Variants in ZBTB16 observed in about 807,000 individuals in gnomAD.
The protein encoded by ZBTB16 is zinc finger and BTB domain-containing protein 16.
A neutral mutation model predicts 56.8 loss-of-function variants in ZBTB16; 8 were observed. That is an observed-to-expected ratio of 0.14 (90% CI 0.08 to 0.25). The LOEUF is 0.25. Among genes scored for constraint, ZBTB16 ranks in the 10% least tolerant of loss-of-function variants. ZBTB16 has a pLI of 1.00. For synonymous variants in ZBTB16, 363 were observed against 368.5 expected (o/e 0.98, Z 0.17); for missense variants, 625 against 903.0 (o/e 0.69, Z 3.95).
At chr11:114,195,387 TG>T (rs1250874185) in intron 4 of ZBTB16, among the ~76,000 whole-genome samples, 1 of 152,050 alleles carries the variant, frequency 6.6e-6, no homozygotes, top group African/African-American at 2.4e-5. Context: ...AGGGCTGGTC[TG>T]TGTGGGCCTG....
chr11:114,106,121 G>A (rs1202027246), intron 2 of ZBTB16, among the ~76,000 whole-genome samples: 1 of 152,036 alleles, frequency 6.6e-6, no homozygotes, highest in Non-Finnish European at 1.5e-5. Flanking sequence ...CTTTCATAGC[G>A]GAGGGTTGTT....
At chr11:114,220,424 C>G (rs1944207365) in intron 4 of ZBTB16, among the ~76,000 whole-genome samples, 1 of 152,162 alleles carries the variant, frequency 6.6e-6, no homozygotes, top group Non-Finnish European at 1.5e-5. Context: ...ATGTTCTAGC[C>G]TCCGATGCTT....
intron 2 of ZBTB16, among the ~76,000 whole-genome samples, chr11:114,101,171 A>C (rs183602368): frequency 6.6e-6 from 1 of 152,032 alleles, no homozygotes; most frequent in Non-Finnish European, 1.5e-5. Flanking sequence ...CAGCCTGCTA[A>C]TTTTTAAGTT....
Position 114,213,410 on chromosome 11 carries a change from C to T in ZBTB16, c.1453+26372C>T, listed in dbSNP as rs372076986. Among the ~76,000 whole-genome samples, 11 of 152,296 alleles carry T rather than the reference C, an allele frequency of 7.2e-5. No individual in the cohort carries two copies. The South Asian group carries it at 1.5e-3, about 20-fold the overall frequency. On this transcript the variant is annotated intron_variant, in intron 4 of 6. Coordinates refer to ENST00000335953, the MANE Select transcript of ZBTB16 (RefSeq NM_006006.6). ...TCTTCTAAAGAATAGCTTTAGAAAT[C>T]CTCATTCCTTTCCATTCCCTCCATT...
intron 1 of ZBTB16, among the ~76,000 whole-genome samples, chr11:114,061,015 C>A (rs1307132337): frequency 6.6e-6 from 1 of 152,214 alleles, no homozygotes; most frequent in Non-Finnish European, 1.5e-5. Context: ...TGTCGCCGTT[C>A]CTCCCCGTCT....
At chr11:114,074,527 C>T (rs995394823) in intron 2 of ZBTB16, among the ~76,000 whole-genome samples, 6 of 152,172 alleles carry the variant, frequency 3.9e-5, no homozygotes, top group South Asian at 2.1e-4. Context: ...CTTTAAGGAA[C>T]GTCCCTCCCC....
chr11:114,183,133 G>A (rs374751388), intron 3 of ZBTB16, among the ~76,000 whole-genome samples: 1 of 152,188 alleles, frequency 6.6e-6, no homozygotes, highest in Non-Finnish European at 1.5e-5. Context: ...CCGGGTGGGC[G>A]TGGGAGTACT....
intron 4 of ZBTB16, among the ~76,000 whole-genome samples, chr11:114,202,151 G>A (rs1168836642): frequency 1.3e-5 from 2 of 152,206 alleles, no homozygotes; most frequent in African/African-American, 4.8e-5. Context: ...CTATGGGCCT[G>A]ACGGAGGAAG....
At position 114,118,722 on chromosome 11, in the gene ZBTB16, C is replaced by T. The variant is rs115680094; in HGVS notation, c.1269-37615C>T. On this transcript the variant is annotated intron_variant, in intron 2 of 6. Coordinates refer to ENST00000335953, the MANE Select transcript of ZBTB16 (RefSeq NM_006006.6). ...GGGCTTTCTGCTTCATATTGCATTT[C>T]TACTCTCACCCCTAGGAGAACAGGT... 5.9e-3 allele frequency among the ~76,000 whole-genome samples: 902 copies of T among 152,266 alleles called. 4 individuals carry two copies. The highest frequency in any genetic ancestry group is 0.02 in the African/African-American group (818 of 41,546).
intron 2 of ZBTB16, among the ~76,000 whole-genome samples, chr11:114,067,946 T>C (rs1318523819): frequency 2.0e-5 from 3 of 151,602 alleles, no homozygotes; most frequent in Non-Finnish European, 4.4e-5. Context: ...TAATGTGCTA[T>C]TCCCTTTTTT....
At chr11:114,192,456 A>C (rs1277822316) in intron 4 of ZBTB16, among the ~76,000 whole-genome samples, 1 of 152,196 alleles carries the variant, frequency 6.6e-6, no homozygotes, top group Non-Finnish European at 1.5e-5. Flanking sequence ...ACAAGCTACC[A>C]CAGGGGACTA....
intron 4 of ZBTB16, among the ~76,000 whole-genome samples, chr11:114,235,676 TTC>T (rs1165933951): frequency 5.1e-4 from 11 of 21,570 alleles, no homozygotes; most frequent in African/African-American, 7.4e-4. Flanking sequence ...CTTTCTTTCT[TTC>T]TTTCTTTCTT....
intron 3 of ZBTB16, 151 bp from the exon 4 acceptor site, chr11:114,186,801 G>C: frequency 1.4e-6 from 1 of 734,252 alleles, no homozygotes; most frequent in South Asian, 1.5e-5. Flanking sequence ...CCTCTTGGAG[G>C]AGGGTCTGAG....
At chr11:114,198,261 G>A (rs866735935) in intron 4 of ZBTB16, among the ~76,000 whole-genome samples, 30 of 152,334 alleles carry the variant, frequency 2.0e-4, no homozygotes, top group African/African-American at 6.5e-4. Flanking sequence ...GAACGGCCGC[G>A]GAACGTCATA....
chr11:114,143,785 A>G lies in ZBTB16; in HGVS notation c.1269-12552A>G, dbSNP rs1229540755. On this transcript the variant is annotated intron_variant, in intron 2 of 6. Transcript: ENST00000335953. This position sits in a 1 kb window ranked among gnomAD's most constrained non-coding sequence, Gnocchi z 6.4. ...GGCTTAGCAAATGCAGTCAGAGTCA[A>G]GGTTAAGAATCGATCTCTTCATTCT... is the stretch of plus-strand genomic sequence containing the variant. Among the ~76,000 whole-genome samples the G allele has an allele frequency of 6.6e-6, 1 of 152,226 alleles. No individual in the cohort carries two copies. The highest frequency in any genetic ancestry group is 1.9e-4 in the East Asian group (1 of 5,194).
intron 3 of ZBTB16, among the ~76,000 whole-genome samples, chr11:114,172,949 G>A (rs1187067523): frequency 6.6e-6 from 1 of 152,194 alleles, no homozygotes; most frequent in Non-Finnish European, 1.5e-5. Flanking sequence ...TTTGAAAAGT[G>A]TGGCATCTTA....
intron 2 of ZBTB16, among the ~76,000 whole-genome samples, chr11:114,067,582 T>C (rs887645958): frequency 6.6e-6 from 1 of 152,098 alleles, no homozygotes. Flanking sequence ...AATTTTTGTA[T>C]TTTTAGTAGA....
intron 4 of ZBTB16, among the ~76,000 whole-genome samples, chr11:114,219,038 G>A (rs549365740): frequency 2.6e-5 from 4 of 152,116 alleles, no homozygotes; most frequent in Admixed American, 1.3e-4. Flanking sequence ...GTGCATGTGC[G>A]TGTGCACGCC....
intron 2 of ZBTB16, among the ~76,000 whole-genome samples, chr11:114,140,666 G>A (rs1354289370): frequency 6.6e-6 from 1 of 152,188 alleles, no homozygotes; most frequent in Non-Finnish European, 1.5e-5. Flanking sequence ...GCTCTTTTGA[G>A]TTCCCTGCTG....
Sources: gnomAD v4.1 joint callset for allele counts (sites outside exome capture counted in the v4.1 genomes callset) on GRCh38, gnomAD v4.1.1 for gene constraint, Gnocchi (gnomAD v3.1) non-coding constraint, MANE v1.5 for transcripts, NCBI Gene and HGNC (gene_info 2026-07-23, HGNC 2026-07-21) for gene names.